Variants in MUC12 observed in about 807,000 individuals in gnomAD.
The protein encoded by MUC12 is mucin-12.
A neutral mutation model predicts 230.8 loss-of-function variants in MUC12; 172 were observed. That is an observed-to-expected ratio of 0.75 (90% CI 0.66 to 0.85). The LOEUF is 0.85. Ranked by LOEUF, MUC12 falls within the 40% of genes least tolerant of loss-of-function variation. The probability of loss-of-function intolerance (pLI) is 0.00; values close to 1 mark genes in which losing one functional copy is unlikely to be tolerated. For synonymous variants in MUC12, 1,259 were observed against 2,401.9 expected, an observed-to-expected ratio of 0.52 and a Z score of 13.91; for missense variants, 3,506 against 5,920.6, an observed-to-expected ratio of 0.59 and a Z score of 13.38.
At position 101,014,129 on chromosome 7, in the gene MUC12, T is replaced by C. The variant is rs1050617749; in HGVS notation, c.15800+55T>C. ...CACACAGAGGGGACAGATCCTGGGGTGGCCACTGTCTGAATGTCCTAAGGC... is the reference window on the plus strand; with the variant it reads ...CACACAGAGGGGACAGATCCTGGGGCGGCCACTGTCTGAATGTCCTAAGGC... On this transcript the variant is annotated intron_variant, in intron 9 of 11. Transcript: ENST00000536621. 8 of 1,463,418 alleles carry C rather than the reference T, an allele frequency of 5.5e-6. No homozygotes were observed. In the South Asian group the frequency reaches 1.1e-4, roughly 20 times the overall value. The allele number at this position is 1,463,418 out of a possible 1,614,324, so 90.7% of individuals were successfully genotyped here.
In MUC12 at chr7:100,972,509, CT is replaced by C. The variant is rs764820674; in HGVS notation, c.67+2834del. 7.4e-3 allele frequency among the ~76,000 whole-genome samples: 1,065 copies of C among 143,254 alleles called. 2 individuals carry two copies. Among genetic ancestry groups the C allele is most frequent in the Non-Finnish European group, 0.011 (704 of 63,902 alleles). The allele number at this position is 143,254 out of a possible 152,430, so 94.0% of individuals were successfully genotyped here. ...CAGAGACGATCAGTGGCATCTGTAG[CT>C]TTTTTTTTTTTTTGAGACAGTCTCC... On this transcript the variant is annotated intron_variant, in intron 1 of 11. Transcript: ENST00000536621.
intron 5 of MUC12, among the ~76,000 whole-genome samples, chr7:101,011,555 G>A (rs750512879): frequency 1.3e-5 from 2 of 152,106 alleles, no homozygotes; most frequent in African/African-American, 2.4e-5. Context: ...CTGAGTAGCT[G>A]GGACTACAAG....
chr7:100,979,610 T>C (rs924015399), intron 1 of MUC12, among the ~76,000 whole-genome samples: 1 of 151,884 alleles, frequency 6.6e-6, no homozygotes, highest in Non-Finnish European at 1.5e-5. Context: ...TGAAACCCCA[T>C]CTCTACTAAA....
At position 101,004,847 on chromosome 7, in the gene MUC12, A is replaced by T. The variant is rs542037338; in HGVS notation, c.14284A>T (p.Ile4762Phe). ...ACCTGCCAGCATGACAAGCTCCAGCATCAGTGGAGAACCCACCAGCTTGTA... is the reference window on the plus strand; with the variant it reads ...ACCTGCCAGCATGACAAGCTCCAGCTTCAGTGGAGAACCCACCAGCTTGTA... ...LSPASMTSSS[I>F]SGEPTSLYSQ... The change falls in exon 2 of 12, where the codon ATC becomes TTC. Residue 4762 changes from isoleucine (I) to phenylalanine (F), a missense_variant. Ile to Phe is a conservative substitution (Grantham distance 21). Coordinates refer to ENST00000536621, the MANE Select transcript of MUC12 (RefSeq NM_001164462.2). 3 of 1,537,158 alleles carry T rather than the reference A, an allele frequency of 2.0e-6. No individual in the cohort carries two copies. Among genetic ancestry groups the T allele is most frequent in the Admixed American group, 2.0e-5 (1 of 50,980 alleles).
rs112934443 is a variant in MUC12 at position 100,991,925 on chromosome 7, C to G, written c.1362C>G (p.Ala454=). The part of the protein sequence containing the change: ...PDAMATTVLP[A]GSTPSVLVGD... ...CAATGGCAACAACAGTCTTACCTGC[C>G]GGCTCTACACCCTCAGTTCTTGTTG... Residue 454 remains alanine (A), a synonymous_variant, in exon 2 of 12, where the codon GCC becomes GCG. Transcript: ENST00000536621. 3 of 1,537,508 alleles carry G rather than the reference C, an allele frequency of 2.0e-6. No individual in the cohort carries two copies. The highest frequency in any genetic ancestry group is 1.2e-5 in the South Asian group (1 of 84,048).
At position 100,995,625 on chromosome 7, in the gene MUC12, A is replaced by G. The variant is rs1584835425; in HGVS notation, c.5062A>G (p.Thr1688Ala). 5.2e-6 allele frequency: 8 copies of G among 1,536,776 alleles called. No homozygotes were observed. The highest frequency in any genetic ancestry group is 7.0e-6 in the Non-Finnish European group (8 of 1,147,016). ...TACAACACGTCAGGGAGAATCTACC[A>G]CCTTCCAGAGCTGGCCAAGCTCAAA... Reference protein sequence around the residue: ...GSTTRQGESTTFQSWPSSKDT... With the variant: ...GSTTRQGESTAFQSWPSSKDT... The change falls in exon 2 of 12, where the codon ACC becomes GCC. Residue 1688 changes from threonine to alanine, a missense_variant. Physicochemically the swap from Thr to Ala is moderately conservative, Grantham distance 58. Coordinates refer to ENST00000536621, the MANE Select transcript of MUC12 (RefSeq NM_001164462.2).
At chr7:100,988,551 AG>A (rs1381333152) in intron 1 of MUC12, among the ~76,000 whole-genome samples, 1 of 152,174 alleles carries the variant, frequency 6.6e-6, no homozygotes, top group African/African-American at 2.4e-5. Context: ...AATGCAGGAA[AG>A]GCCTAATAGA....
At chr7:101,015,526 G>A (rs1435139464) in intron 9 of MUC12, 89 bp from the exon 10 acceptor site, 4 of 1,103,958 alleles carry the variant, frequency 3.6e-6, no homozygotes, top group Admixed American at 2.1e-5. Flanking sequence ...GGCTGTGACT[G>A]TCCCCTCGAG....
intron 1 of MUC12, chr7:100,972,895 A>G (rs546820562): frequency 4.3e-6 from 3 of 703,008 alleles, no homozygotes; most frequent in East Asian, 5.4e-5. Flanking sequence ...GGAGAAGCAG[A>G]CAGTCGAGCA....
chr7:100,969,905 A>G (rs1329730056), intron 1 of MUC12, among the ~76,000 whole-genome samples: 1 of 152,300 alleles, frequency 6.6e-6, no homozygotes, highest in Non-Finnish European at 1.5e-5. Flanking sequence ...TGTGCAGGGG[A>G]TGGTCTGCAC....
chr7:101,004,995 G>A lies in MUC12; in HGVS notation c.14432G>A (p.Gly4811Asp). Reference sequence around the variant, plus strand: ...TCAACTGAGACAACACTGTCCCCTGGCAGCATCACAACTTCATCTTTTGCT... The same window carrying A: ...TCAACTGAGACAACACTGTCCCCTGACAGCATCACAACTTCATCTTTTGCT... ...PGSTETTLSP[G>D]SITTSSFAQE... The change falls in exon 2 of 12, where the codon GGC becomes GAC. Residue 4811 changes from glycine (G) to aspartate (D), a missense_variant. Physicochemically the swap from Gly to Asp is moderately conservative, Grantham distance 94. Coordinates refer to ENST00000536621, the MANE Select transcript of MUC12 (RefSeq NM_001164462.2). The A allele has an allele frequency of 6.5e-7, 1 of 1,537,452 alleles. No homozygotes were observed. Among genetic ancestry groups the A allele is most frequent in the Non-Finnish European group, 8.7e-7 (1 of 1,146,972 alleles).
chr7:100,980,335 C>T (rs1479047577), intron 1 of MUC12, among the ~76,000 whole-genome samples: 2 of 152,172 alleles, frequency 1.3e-5, no homozygotes, highest in African/African-American at 4.8e-5. Flanking sequence ...AGCCACCATG[C>T]CCAGCCTGAA....
At chr7:101,006,931 C>T (rs967503387) in intron 3 of MUC12, among the ~76,000 whole-genome samples, 2 of 152,240 alleles carry the variant, frequency 1.3e-5, no homozygotes, top group African/African-American at 4.8e-5. Context: ...ATGTTACAAA[C>T]AATCCTACGG....
rs879396661 is a variant in MUC12 at position 101,012,874 on chromosome 7, G to C, written c.15459G>C (p.Pro5153=). Residue 5153 remains proline (P), a synonymous_variant, in exon 7 of 12, where the codon CCG becomes CCC. Transcript: ENST00000536621. The stretch of plus-strand genomic sequence containing the variant: ...CTTTCGTGGATTCATCGGTGACTCC[G>C]GGCTTTGACTTCCAGGGTAAGCGAC... ...EDTFVDSSVT[P]GFDFQEQCTQ... 1.6e-5 allele frequency: 25 copies of C among 1,537,118 alleles called. No homozygotes were observed. Among genetic ancestry groups the C allele is most frequent in the Non-Finnish European group, 1.9e-5 (22 of 1,146,918 alleles).
At position 101,008,731 on chromosome 7, in the gene MUC12, C is replaced by T; in HGVS notation, c.15156C>T (p.Tyr5052=). The change falls in exon 4 of 12, where the codon TAC becomes TAT. Residue 5052 remains tyrosine, a synonymous_variant. Transcript: ENST00000536621. ...EKMNDASSQE[Y]QNFSTLFKNR... ...TGAATGACGCATCCTCCCAGGAATA[C>T]CAGAACTTCAGTACCCTCTTCAAGA... 4.6e-6 allele frequency: 7 copies of T among 1,537,208 alleles called. No individual in the cohort carries two copies. Among genetic ancestry groups the T allele is most frequent in the South Asian group, 1.2e-5 (1 of 84,052 alleles).
rs1193532221 is a variant in MUC12 at position 101,005,062 on chromosome 7, G to T, written c.14499G>T (p.Leu4833=). The part of the protein sequence containing the change: ...TTPHSQPGSA[L]STVSPASTTV... ...CTCATAGCCAACCAGGCTCAGCTCT[G>T]TCAACAGTGTCACCTGCCAGCACCA... Residue 4833 remains leucine (L), a synonymous_variant, in exon 2 of 12, where the codon CTG becomes CTT. Transcript: ENST00000536621. 2 of 1,537,586 alleles carry T rather than the reference G, an allele frequency of 1.3e-6. No individual in the cohort carries two copies. Among genetic ancestry groups the T allele is most frequent in the Non-Finnish European group, 8.7e-7 (1 of 1,146,972 alleles).
chr7:100,990,383 T>C (rs1383808702), intron 1 of MUC12, among the ~76,000 whole-genome samples: 1 of 152,172 alleles, frequency 6.6e-6, no homozygotes, highest in African/African-American at 2.4e-5. Flanking sequence ...CCTTGGGAAA[T>C]TGTCTTAGAT....
rs1290902312 is a variant in MUC12 at position 100,969,642 on chromosome 7, T to G, written c.20T>G (p.Leu7Arg). 1 of 1,537,318 alleles carries G rather than the reference T, an allele frequency of 6.5e-7. No individual in the cohort carries two copies. Among genetic ancestry groups the G allele is most frequent in the East Asian group, 2.4e-5 (1 of 40,942 alleles). ...CGGGAGATGCTGGTGATCTGGATTC[T>G]GACGCTGGCTCTCCGGCTCTGCGCG... MLVIWILTLALRLCASV... is the reference protein window; with the variant it reads MLVIWIRTLALRLCASV... The change falls in exon 1 of 12, where the codon CTG (leucine) becomes CGG (arginine). Residue 7 changes from leucine to arginine, a missense_variant. Leu to Arg is a moderately radical substitution (Grantham distance 102). Coordinates refer to ENST00000536621, the MANE Select transcript of MUC12 (RefSeq NM_001164462.2).
Position 100,993,503 on chromosome 7 carries a change from C to A in MUC12, c.2940C>A (p.Ala980=). ...CACCACGCACAACACTGTCCCCTGC[C>A]AGCTCCACAAGCCCTGGACTTCAGG... is the stretch of plus-strand genomic sequence containing the variant. ...TGSPRTTLSP[A]SSTSPGLQGE... The change falls in exon 2 of 12, where the codon GCC becomes GCA. Residue 980 remains alanine (A), a synonymous_variant. Coordinates refer to ENST00000536621, the MANE Select transcript of MUC12 (RefSeq NM_001164462.2). The A allele has an allele frequency of 9.8e-7, 1 of 1,019,194 alleles. No individual in the cohort carries two copies. Among genetic ancestry groups the A allele is most frequent in the South Asian group, 1.6e-5 (1 of 60,892 alleles). The allele number at this position is 1,019,194 out of a possible 1,614,324, so 63.1% of individuals were successfully genotyped here.
Sources: allele counts gnomAD v4.1 joint callset (sites outside exome capture counted in the v4.1 genomes callset), GRCh38; gene constraint gnomAD v4.1.1; transcripts MANE v1.5; gene names NCBI Gene and HGNC (gene_info 2026-07-23, HGNC 2026-07-21).